The following PLCL1 variants were observed in gnomAD, a reference collection of about 807,000 sequenced individuals.
PLCL1 encodes the protein phospholipase C like 1 (inactive).
In PLCL1, 41 loss-of-function variants were observed where a neutral mutation model predicts 84.4. The observed-to-expected ratio is 0.49, with a 90% CI of 0.38 to 0.63. The LOEUF (loss-of-function observed/expected upper bound fraction) is 0.63. PLCL1 is among the 30% of genes least tolerant of loss of function. The probability of loss-of-function intolerance (pLI) is 0.00; values close to 1 mark genes in which losing one functional copy is unlikely to be tolerated. For synonymous variants in PLCL1, 490 were observed against 488.3 expected (o/e 1.00, Z -0.05); for missense variants, 1,206 against 1,367.8 (o/e 0.88, Z 1.87).
intron 1 of PLCL1, among the ~76,000 whole-genome samples, chr2:198,008,045 A>C (rs1281635268): frequency 6.6e-6 from 1 of 152,058 alleles, no homozygotes; most frequent in African/African-American, 2.4e-5. Flanking sequence ...TCCCTATTCC[A>C]CGTTGAGATT....
intron 1 of PLCL1, among the ~76,000 whole-genome samples, chr2:197,942,416 A>G (rs1418318185): frequency 1.3e-5 from 2 of 152,208 alleles, no homozygotes; most frequent in Non-Finnish European, 2.9e-5. Context: ...TTCCAGAAAG[A>G]ATGATTTATT....
chr2:197,804,721 G>A lies in PLCL1; in HGVS notation c.-379G>A, dbSNP rs1409404633. ...GCCCCTATCGGGCCGCCGGCGTCCG[G>A]GCTCCAGAGGCCGCCTGGCTGGGCG... is the stretch of plus-strand genomic sequence containing the variant. On this transcript the variant is annotated 5_prime_UTR_variant, in exon 1 of 6. Coordinates refer to ENST00000428675, the MANE Select transcript of PLCL1 (RefSeq NM_006226.4). 1 of 164,740 alleles carries A rather than the reference G, an allele frequency of 6.1e-6. No homozygotes were observed. The highest frequency in any genetic ancestry group is 2.4e-5 in the African/African-American group (1 of 41,816). The allele number at this position is 164,740 out of a possible 1,614,324, so 10.2% of individuals were successfully genotyped here.
chr2:197,902,724 C>G (rs1466278919), intron 1 of PLCL1, among the ~76,000 whole-genome samples: 1 of 152,144 alleles, frequency 6.6e-6, no homozygotes, highest in Non-Finnish European at 1.5e-5. Context: ...GACTAAAACT[C>G]TCCTTGAGAA....
At position 197,815,515 on chromosome 2, in the gene PLCL1, A is replaced by G. The variant is rs149865262; in HGVS notation, c.240+10176A>G. ...GATCCATTCTGCAGCCTATGGATCA[A>G]GGAGAAATTTTGACTTTCAGGTATT... On this transcript the variant is annotated intron_variant, in intron 1 of 5. Coordinates refer to ENST00000428675, the MANE Select transcript of PLCL1 (RefSeq NM_006226.4). Among the ~76,000 whole-genome samples the G allele has an allele frequency of 1.0e-3, 159 of 152,284 alleles. 4 individuals carry two copies. In the East Asian group the frequency reaches 0.027, roughly 26 times the overall value.
At chr2:198,067,004 T>C (rs1159377729) in intron 1 of PLCL1, among the ~76,000 whole-genome samples, 3 of 152,192 alleles carry the variant, frequency 2.0e-5, no homozygotes, top group Non-Finnish European at 4.4e-5. Flanking sequence ...TTACAGTATA[T>C]GCACTATATA....
At chr2:197,994,048 G>A (rs151300048) in intron 1 of PLCL1, among the ~76,000 whole-genome samples, 255 of 152,214 alleles carry the variant, frequency 1.7e-3, no homozygotes, top group African/African-American at 5.9e-3. Flanking sequence ...TGAGTTAGTC[G>A]CCATTCCACC....
intron 1 of PLCL1, among the ~76,000 whole-genome samples, chr2:197,995,102 G>A (rs1427084178): frequency 6.6e-6 from 1 of 152,124 alleles, no homozygotes; most frequent in African/African-American, 2.4e-5. Context: ...ACTAACTTTT[G>A]TTCTTTCTGG....
intron 1 of PLCL1, among the ~76,000 whole-genome samples, chr2:197,831,653 C>G (rs555162433): frequency 1.2e-4 from 18 of 152,232 alleles, no homozygotes; most frequent in African/African-American, 4.1e-4. Flanking sequence ...TTGAACTCAG[C>G]TCTGGACCAA....
intron 5 of PLCL1, among the ~76,000 whole-genome samples, chr2:198,108,583 C>T (rs1693544832): frequency 6.6e-6 from 1 of 151,726 alleles, no homozygotes. Context: ...TTCAATATTA[C>T]ATTTATCTGA....
At chr2:197,879,433 A>G (rs1161785816) in intron 1 of PLCL1, among the ~76,000 whole-genome samples, 1 of 152,214 alleles carries the variant, frequency 6.6e-6, no homozygotes, top group Non-Finnish European at 1.5e-5. Flanking sequence ...AGCTGTAATT[A>G]CAGTAGTGCT....
chr2:198,000,037 A>G (rs746317799), intron 1 of PLCL1, among the ~76,000 whole-genome samples: 5 of 152,186 alleles, frequency 3.3e-5, no homozygotes, highest in Non-Finnish European at 7.3e-5. Flanking sequence ...AAATTACCCA[A>G]AGTATAATCT....
intron 3 of PLCL1, among the ~76,000 whole-genome samples, chr2:198,095,244 G>A (rs1693165362): frequency 6.6e-6 from 1 of 151,940 alleles, no homozygotes; most frequent in African/African-American, 2.4e-5. Context: ...TTTGGCTCAG[G>A]TCTCTGAAAG....
At chr2:197,970,743 CT>C (rs1216648868) in intron 1 of PLCL1, among the ~76,000 whole-genome samples, 2 of 152,170 alleles carry the variant, frequency 1.3e-5, no homozygotes, top group South Asian at 2.1e-4. Flanking sequence ...TCCGTTTTAC[CT>C]TTTTTTCCCC....
At chr2:197,856,066 T>G (rs928337588) in intron 1 of PLCL1, among the ~76,000 whole-genome samples, 2 of 152,202 alleles carry the variant, frequency 1.3e-5, no homozygotes, top group Non-Finnish European at 2.9e-5. Context: ...CTTTACTTTC[T>G]AAGGTGATTT....
chr2:198,147,224 G>GTGTGTGTA lies in PLCL1; in HGVS notation c.*269_*270insATGTGTGT, dbSNP rs1439829012. 3.6e-6 allele frequency: 1 copy of GTGTGTGTA among 279,214 alleles called. No homozygotes were observed. Among genetic ancestry groups the GTGTGTGTA allele is most frequent in the Non-Finnish European group, 6.6e-6 (1 of 150,378 alleles). 17.3% of individuals were successfully genotyped at this position (279,214 alleles called of 1,614,324 possible). A position where few individuals can be genotyped will look rare whatever the true frequency, so the allele number is the denominator to read the frequency against. On this transcript the variant is annotated 3_prime_UTR_variant, in exon 6 of 6. Coordinates refer to ENST00000428675, the MANE Select transcript of PLCL1 (RefSeq NM_006226.4). ...GAAGAGTGTGTGTGTGTGTGTGTGT[G>GTGTGTGTA]TGTGTGTGTGGCAGAGAGAGAGAAA...
chr2:197,842,553 C>A (rs913558685), intron 1 of PLCL1, among the ~76,000 whole-genome samples: 32 of 152,256 alleles, frequency 2.1e-4, no homozygotes, highest in African/African-American at 7.0e-4. Flanking sequence ...AAATTGAGAA[C>A]TTTGAATCTC....
intron 1 of PLCL1, among the ~76,000 whole-genome samples, chr2:197,897,172 TTC>T (rs1402414103): frequency 0.03 from 956 of 32,328 alleles, 17 homozygotes; most frequent in African/African-American, 0.074. Flanking sequence ...CTTCTTCTTC[TTC>T]TTCTTCTTCT....
chr2:197,939,081 C>T lies in PLCL1; in HGVS notation c.240+133742C>T, dbSNP rs116655935. Among the ~76,000 whole-genome samples, 925 of 152,284 alleles carry T rather than the reference C, an allele frequency of 6.1e-3. 9 individuals carry two copies. Among genetic ancestry groups the T allele is most frequent in the African/African-American group, 0.022 (895 of 41,552 alleles). On this transcript the variant is annotated intron_variant, in intron 1 of 5. Coordinates refer to ENST00000428675, the MANE Select transcript of PLCL1 (RefSeq NM_006226.4). ...GTGGTGAGAAGGAGGATCAATGGCACTATCTCCAGTGGGAGTTCTTAACTG... is the reference window on the plus strand; with the variant it reads ...GTGGTGAGAAGGAGGATCAATGGCATTATCTCCAGTGGGAGTTCTTAACTG...
chr2:197,909,838 A>G (rs1228178515), intron 1 of PLCL1, among the ~76,000 whole-genome samples: 1 of 152,206 alleles, frequency 6.6e-6, no homozygotes, highest in Non-Finnish European at 1.5e-5. Context: ...TGGACCCTCA[A>G]TTCTGGCTTT....
Sources: gnomAD v4.1 joint callset for allele counts (sites outside exome capture counted in the v4.1 genomes callset) on GRCh38, gnomAD v4.1.1 for gene constraint, MANE v1.5 for transcripts, NCBI Gene and HGNC (gene_info 2026-07-23, HGNC 2026-07-21) for gene names.